Variants in FOXP2 observed in about 807,000 individuals in gnomAD.
FOXP2 encodes forkhead box P2.
FOXP2 carries 12 observed loss-of-function variants against 115.8 expected under a neutral mutation model. That is an observed-to-expected ratio of 0.10 (90% CI 0.07 to 0.17). FOXP2 has a LOEUF of 0.17. Ranked by LOEUF, FOXP2 falls within the 10% of genes least tolerant of loss-of-function variation. FOXP2 has a pLI of 1.00. For missense variants in FOXP2, 629 were observed against 843.5 expected (o/e 0.75, Z 3.15); for synonymous variants, 328 against 297.7 (o/e 1.10, Z -1.05).
intron 3 of FOXP2, among the ~76,000 whole-genome samples, chr7:114,564,706 C>A (rs912754781): frequency 6.6e-6 from 1 of 151,520 alleles, no homozygotes; most frequent in African/African-American, 2.4e-5. Flanking sequence ...ATAGTGAGAC[C>A]CTGTCTCTAC....
intron 1 of FOXP2, among the ~76,000 whole-genome samples, chr7:114,113,331 C>G (rs1791322342): frequency 6.6e-6 from 1 of 152,090 alleles, no homozygotes; most frequent in African/African-American, 2.4e-5. Flanking sequence ...AAATCCTAAA[C>G]AAAAATCACT....
upstream of FOXP2, among the ~76,000 whole-genome samples, chr7:114,410,900 C>T (rs1793146199): frequency 6.6e-6 from 1 of 151,938 alleles, no homozygotes; most frequent in East Asian, 1.9e-4. Flanking sequence ...AGACTTGTCA[C>T]TTTCATCTAT....
intron 3 of FOXP2, chr7:114,570,764 A>G: frequency 1.4e-6 from 2 of 1,458,454 alleles, no homozygotes; most frequent in Admixed American, 3.4e-5. Context: ...AAGCCTTAAG[A>G]TTGAAAAAAA....
intron 2 of FOXP2, among the ~76,000 whole-genome samples, chr7:114,492,535 T>A (rs564121002): frequency 5.9e-5 from 9 of 152,204 alleles, no homozygotes; most frequent in Non-Finnish European, 8.8e-5. Context: ...TCCTGCTTTC[T>A]CTTGTGGGCA....
chr7:114,618,996 T>C (rs1804093874), intron 3 of FOXP2, among the ~76,000 whole-genome samples: 2 of 152,184 alleles, frequency 1.3e-5, no homozygotes, highest in Non-Finnish European at 2.9e-5. Flanking sequence ...TACTTACCCT[T>C]ATTTCACTGG....
At chr7:114,609,039 A>AAAAAC (rs1419797248) in intron 3 of FOXP2, among the ~76,000 whole-genome samples, 56 of 152,068 alleles carry the variant, frequency 3.7e-4, no homozygotes, top group Non-Finnish European at 6.8e-4. Flanking sequence ...TCTCTACTAA[A>AAAAAC]AAAACAAAAC....
chr7:114,430,365 G>T (rs577718287), intron 2 of FOXP2, among the ~76,000 whole-genome samples: 1 of 151,692 alleles, frequency 6.6e-6, no homozygotes, highest in Non-Finnish European at 1.5e-5. Context: ...AATATTTAAA[G>T]TCTTACCAAG....
chr7:114,355,343 C>T (rs1454060048), intron 2 of FOXP2, among the ~76,000 whole-genome samples: 2 of 152,088 alleles, frequency 1.3e-5, no homozygotes, highest in African/African-American at 2.4e-5. Flanking sequence ...CATGGGGAGA[C>T]TGGAGCTACT....
intron 2 of FOXP2, among the ~76,000 whole-genome samples, chr7:114,311,418 G>A (rs1797144457): frequency 6.6e-6 from 1 of 152,172 alleles, no homozygotes; most frequent in Non-Finnish European, 1.5e-5. Context: ...TTGTGGATTG[G>A]TGAAAGTGGT....
chr7:114,642,554 C>T lies in FOXP2; in HGVS notation c.920C>T (p.Ala307Val), dbSNP rs771268489. The change falls in exon 7 of 17, where the codon GCA becomes GTA. Residue 307 changes from alanine to valine, a missense_variant. Coordinates refer to ENST00000350908, the MANE Select transcript of FOXP2 (RefSeq NM_014491.4). ...ACTACCTCCTCCAACACTTCCAAAG[C>T]ATCACCACCAATAACTCATCATTCC... ...SSTTSSNTSK[A>V]SPPITHHSIV... 1.3e-5 allele frequency: 21 copies of T among 1,613,820 alleles called. No homozygotes were observed. Among genetic ancestry groups the T allele is most frequent in the Non-Finnish European group, 1.8e-5 (21 of 1,179,926 alleles).
intron 3 of FOXP2, among the ~76,000 whole-genome samples, chr7:114,609,592 A>C (rs1803522599): frequency 6.6e-6 from 1 of 151,940 alleles, no homozygotes; most frequent in African/African-American, 2.4e-5. Context: ...GACTTATCAC[A>C]CTCCTTTCTA....
At chr7:114,458,660 G>C (rs896412099) in intron 2 of FOXP2, among the ~76,000 whole-genome samples, 1 of 147,388 alleles carries the variant, frequency 6.8e-6, no homozygotes, top group Middle Eastern at 3.6e-3. Context: ...TGATCCTCCC[G>C]CCTCAGCCTT....
intron 2 of FOXP2, among the ~76,000 whole-genome samples, chr7:114,437,653 A>G (rs868673259): frequency 6.6e-6 from 1 of 152,184 alleles, no homozygotes; most frequent in East Asian, 1.9e-4. Context: ...ATTTTTACTA[A>G]TAATAAAAGG....
In FOXP2 at chr7:114,570,782, T is replaced by G. The variant is rs762336367; in HGVS notation, c.258+36076T>G. ...CCTTAAGATTGAAAAAAAAGCCAAC[T>G]CCTGATTCTCTTTGTTTAACCTAGG... is the stretch of plus-strand genomic sequence containing the variant. On this transcript the variant is annotated intron_variant, in intron 3 of 16. Transcript: ENST00000350908. The G allele has an allele frequency of 3.8e-6, 6 of 1,595,648 alleles. No individual in the cohort carries two copies. In the African/African-American group the frequency reaches 8.1e-5, roughly 21 times the overall value.
intron 2 of FOXP2, among the ~76,000 whole-genome samples, chr7:114,397,452 T>C (rs1792772537): frequency 6.6e-6 from 1 of 151,976 alleles, no homozygotes; most frequent in Non-Finnish European, 1.5e-5. Context: ...CGGGATAATA[T>C]AAGGGGGTGA....
chr7:114,467,293 A>G lies in FOXP2; in HGVS notation c.168+40614A>G, dbSNP rs191884346. Among the ~76,000 whole-genome samples, 193 of 152,302 alleles carry G rather than the reference A, an allele frequency of 1.3e-3. 2 individuals are homozygous for G. Among genetic ancestry groups the G allele is most frequent in the Admixed American group, 3.1e-3 (48 of 15,290 alleles). ...AAAACAAATGTGATACTCATTTTAA[A>G]TATCTGGCTTTGAATTTTCATATAA... On this transcript the variant is annotated intron_variant, in intron 2 of 16. Coordinates refer to ENST00000350908, the MANE Select transcript of FOXP2 (RefSeq NM_014491.4).
intron 16 of FOXP2, chr7:114,669,482 A>G (rs1162638395): frequency 6.6e-6 from 1 of 152,092 alleles, no homozygotes; most frequent in Non-Finnish European, 1.5e-5. Flanking sequence ...CGAGCTGAGT[A>G]TCATTACAAT....
At chr7:114,185,584 C>T (rs970974078) in intron 1 of FOXP2, among the ~76,000 whole-genome samples, 1 of 152,028 alleles carries the variant, frequency 6.6e-6, no homozygotes, top group African/African-American at 2.4e-5. Flanking sequence ...GTGAAATGTC[C>T]ATGTTCAGAA....
intron 2 of FOXP2, among the ~76,000 whole-genome samples, chr7:114,337,586 G>C (rs930043801): frequency 6.6e-6 from 1 of 151,010 alleles, no homozygotes; most frequent in Non-Finnish European, 1.5e-5. Flanking sequence ...ACAGTATTAA[G>C]TTATAAAAGG....
Sources: allele counts gnomAD v4.1 joint callset (sites outside exome capture counted in the v4.1 genomes callset), GRCh38; gene constraint gnomAD v4.1.1; transcripts MANE v1.5; gene names NCBI Gene and HGNC (gene_info 2026-07-23, HGNC 2026-07-21).